Variants in HLCS observed in about 807,000 individuals in gnomAD.
The protein encoded by HLCS is biotin--protein ligase.
In HLCS, 53 loss-of-function variants were observed where a neutral mutation model predicts 75.0. The ratio of observed to expected loss-of-function variants is 0.71; its 90% CI spans 0.57 to 0.89. HLCS has a LOEUF of 0.89. HLCS is among the 40% of genes least tolerant of loss of function. The pLI is 0.00. For missense variants in HLCS, 966 were observed against 1,074.0 expected (o/e 0.90, Z 1.41); for synonymous variants, 431 against 428.6 (o/e 1.01, Z -0.07).
At chr21:36,925,963 T>G (rs939744009) in intron 5 of HLCS, among the ~76,000 whole-genome samples, 1 of 152,240 alleles carries the variant, frequency 6.6e-6, no homozygotes, top group Non-Finnish European at 1.5e-5. Flanking sequence ...GTTTCTTCTA[T>G]AAAATCAGTG....
intron 6 of HLCS, among the ~76,000 whole-genome samples, chr21:36,770,969 C>T (rs144703676): frequency 0.042 from 6,390 of 152,182 alleles, 154 homozygotes; most frequent in Middle Eastern, 0.12. Flanking sequence ...CCTGTAATCC[C>T]AGCACTTTGC....
intron 6 of HLCS, among the ~76,000 whole-genome samples, chr21:36,831,525 CA>C (rs368034810): frequency 2.0e-5 from 3 of 152,006 alleles, no homozygotes; most frequent in Admixed American, 6.6e-5. Context: ...ACTAAAAATA[CA>C]AAAAACATTA....
At chr21:36,882,694 C>T (rs555604225) in intron 6 of HLCS, among the ~76,000 whole-genome samples, 2 of 148,506 alleles carry the variant, frequency 1.3e-5, no homozygotes, top group Non-Finnish European at 3.0e-5. Flanking sequence ...ATCTCCTGAC[C>T]TCGTGATCCA....
At position 36,888,463 on chromosome 21, in the gene HLCS, T is replaced by A. The variant is rs1293472197; in HGVS notation, c.1892+8397A>T. Among the ~76,000 whole-genome samples, 237 of 26,060 alleles carry A rather than the reference T, an allele frequency of 9.1e-3. 14 individuals are homozygous for A. Among genetic ancestry groups the A allele is most frequent in the South Asian group, 0.023 (5 of 214 alleles). 17.1% of individuals were successfully genotyped at this position (26,060 alleles called of 152,430 possible). A position where few individuals can be genotyped will look rare whatever the true frequency, so the allele number is the denominator to read the frequency against. ...AAAAAAAAATATATATATATATATATATATATATATATATATATATATATA... is the reference window on the plus strand; with the variant it reads ...AAAAAAAAATATATATATATATATAAATATATATATATATATATATATATA... On this transcript the variant is annotated intron_variant, in intron 6 of 10. Transcript: ENST00000674895.
chr21:36,786,682 G>T (rs1601242675), intron 6 of HLCS, among the ~76,000 whole-genome samples: 1 of 152,198 alleles, frequency 6.6e-6, no homozygotes, highest in South Asian at 2.1e-4. Flanking sequence ...TCTGGAGAGG[G>T]AAAGGCATCT....
At chr21:36,858,722 G>A (rs534934596) in intron 6 of HLCS, among the ~76,000 whole-genome samples, 104 of 152,306 alleles carry the variant, frequency 6.8e-4, no homozygotes, top group Admixed American at 1.4e-3. Context: ...GAGGGAGCCC[G>A]CCCTGCCATG....
In HLCS at chr21:36,823,613, GTGTGT is replaced by G. The variant is rs1569061460; in HGVS notation, c.1893-56333_1893-56329del. ...TTTACCAGCTTCAAACGTGCAGGGT[GTGTGT>G]GTGTGTGTGTGTGTGTGTGTGTGTG... On this transcript the variant is annotated intron_variant, in intron 6 of 10. Coordinates refer to ENST00000674895, the MANE Select transcript of HLCS (RefSeq NM_001352514.2). Among the ~76,000 whole-genome samples, 84 of 139,016 alleles carry G rather than the reference GTGTGT, an allele frequency of 6.0e-4. No individual in the cohort carries two copies. In the South Asian group the frequency reaches 6.9e-3, roughly 11 times the overall value. 91.2% of individuals were successfully genotyped at this position (139,016 alleles called of 152,430 possible). A position where few individuals can be genotyped will look rare whatever the true frequency, so the allele number is the denominator to read the frequency against.
chr21:36,852,373 C>A (rs888093180), intron 6 of HLCS, among the ~76,000 whole-genome samples: 3 of 152,194 alleles, frequency 2.0e-5, no homozygotes, highest in Non-Finnish European at 2.9e-5. Context: ...TTATCTAACA[C>A]GGGAAGACCA....
At chr21:36,945,183 TCTA>T (rs2067328942) in intron 2 of HLCS, among the ~76,000 whole-genome samples, 1 of 151,918 alleles carries the variant, frequency 6.6e-6, no homozygotes, top group African/African-American at 2.4e-5. Context: ...GTTCTGAAGA[TCTA>T]CTGTACGTCA....
chr21:36,792,402 T>G (rs2060894451), intron 6 of HLCS, among the ~76,000 whole-genome samples: 1 of 140,588 alleles, frequency 7.1e-6, no homozygotes, highest in African/African-American at 2.6e-5. Context: ...CGTTTAGACC[T>G]GCAAAAATGG....
intron 1 of HLCS, among the ~76,000 whole-genome samples, chr21:36,963,728 G>A (rs1301980717): frequency 6.6e-6 from 1 of 152,002 alleles, no homozygotes; most frequent in East Asian, 1.9e-4. Flanking sequence ...CTCTAGCCTG[G>A]GCAACAAGAG....
intron 5 of HLCS, among the ~76,000 whole-genome samples, chr21:36,922,233 T>C (rs2066202602): frequency 6.6e-6 from 1 of 152,268 alleles, no homozygotes; most frequent in East Asian, 1.9e-4. Flanking sequence ...ATCTCCTTTT[T>C]AGAAAAAAAT....
At position 36,896,916 on chromosome 21, in the gene HLCS, C is replaced by G. The variant is rs1034733795; in HGVS notation, c.1836G>C (p.Leu612Phe). Reference sequence around the variant, plus strand: ...CTTCGGCAAACAAAATTACTTTCCCCAACTGCTTGGTCTGCAGATTTTGGC... The same window carrying G: ...CTTCGGCAAACAAAATTACTTTCCCGAACTGCTTGGTCTGCAGATTTTGGC... ...IYRQNLQTKQLGKVILFAEVT... is the reference protein window; with the variant it reads ...IYRQNLQTKQFGKVILFAEVT... Residue 612 changes from leucine (L) to phenylalanine (F), a missense_variant, in exon 6 of 11, where the codon TTG becomes TTC. Leu to Phe is a conservative substitution (Grantham distance 22). Coordinates refer to ENST00000674895, the MANE Select transcript of HLCS (RefSeq NM_001352514.2). 32 of 1,614,174 alleles carry G rather than the reference C, an allele frequency of 2.0e-5. No homozygotes were observed. Among genetic ancestry groups the G allele is most frequent in the Non-Finnish European group, 2.7e-5 (32 of 1,180,036 alleles).
rs566151426 is a variant in HLCS, at chr21:36,807,261, C to A, written c.1893-39976G>T. The stretch of plus-strand genomic sequence containing the variant: ...ACAAAGGCTGTGGACCACAGAGACA[C>A]TCTTTATTCATGGAATAAACCTGGA... On this transcript the variant is annotated intron_variant, in intron 6 of 10. Transcript: ENST00000674895. 1.9e-4 allele frequency among the ~76,000 whole-genome samples: 29 copies of A among 152,272 alleles called. No homozygotes were observed. In the South Asian group the frequency reaches 2.1e-3, roughly 11 times the overall value.
intron 6 of HLCS, among the ~76,000 whole-genome samples, chr21:36,828,056 G>T (rs1381526339): frequency 6.6e-6 from 1 of 152,036 alleles, no homozygotes; most frequent in African/African-American, 2.4e-5. Context: ...CTCGTGATCT[G>T]CCTGCCTTGG....
At chr21:36,880,474 C>G (rs1194646175) in intron 6 of HLCS, among the ~76,000 whole-genome samples, 1 of 152,102 alleles carries the variant, frequency 6.6e-6, no homozygotes, top group Non-Finnish European at 1.5e-5. Context: ...TCTTGTATTA[C>G]CTCAATGGGC....
At chr21:36,936,246 G>T (rs1322698824) in intron 4 of HLCS, among the ~76,000 whole-genome samples, 2 of 152,116 alleles carry the variant, frequency 1.3e-5, no homozygotes, top group Non-Finnish European at 2.9e-5. Context: ...CAAGTCTTTT[G>T]GTTAACCAGG....
intron 6 of HLCS, among the ~76,000 whole-genome samples, chr21:36,854,096 A>C (rs770147354): frequency 6.6e-6 from 1 of 152,220 alleles, no homozygotes; most frequent in Non-Finnish European, 1.5e-5. Context: ...CAGGCATCAA[A>C]TAGGTATGGC....
At chr21:36,871,571 A>T (rs893481013) in intron 6 of HLCS, among the ~76,000 whole-genome samples, 6 of 152,178 alleles carry the variant, frequency 3.9e-5, no homozygotes, top group Non-Finnish European at 8.8e-5. Context: ...ATTTACACTG[A>T]TTTTTATTAT....
Sources: allele counts gnomAD v4.1 joint callset (sites outside exome capture counted in the v4.1 genomes callset), GRCh38; gene constraint gnomAD v4.1.1; transcripts MANE v1.5; gene names NCBI Gene and HGNC (gene_info 2026-07-23, HGNC 2026-07-21).